Variants in HPSE2 observed in about 807,000 individuals in gnomAD.
HPSE2 encodes the protein heparanase 2 (inactive), also known as inactive heparanase-2.
In HPSE2, 38 loss-of-function variants were observed where a neutral mutation model predicts 60.5. That is an observed-to-expected ratio of 0.63 (90% CI 0.48 to 0.82). HPSE2 has a LOEUF of 0.82. HPSE2 is among the 40% of genes least tolerant of loss of function. The pLI is 0.00. For missense variants in HPSE2, 713 were observed against 740.4 expected (o/e 0.96, Z 0.43); for synonymous variants, 295 against 293.2 (o/e 1.01, Z -0.06).
At chr10:98,523,109 TTTTGTTTG>T (rs148284297) in intron 9 of HPSE2, among the ~76,000 whole-genome samples, 54 of 151,684 alleles carry the variant, frequency 3.6e-4, no homozygotes, top group African/African-American at 1.1e-3. Context: ...TTTTGTTTTG[TTTTGTTTG>T]TTTGTTTGTT....
rs773122469 is a variant in HPSE2, at chr10:98,934,463, C to T, written c.611-190407G>A. Among the ~76,000 whole-genome samples the T allele has an allele frequency of 1.5e-4, 22 of 144,472 alleles. 1 individual carries two copies. The highest frequency in any genetic ancestry group is 2.4e-4 in the Non-Finnish European group (16 of 67,294). 94.8% of individuals were successfully genotyped at this position (144,472 alleles called of 152,430 possible). On this transcript the variant is annotated intron_variant, in intron 3 of 11. Transcript: ENST00000370552. ...GCTTCTTTCAGGAGCTCTTGCCAGG[C>T]AGGCCTGGTGGTGACAAAAATCCTT...
At chr10:99,307,176 T>C in the HPSE2 span, among the ~76,000 whole-genome samples, 9 of 152,334 alleles carry the variant, frequency 5.9e-5, no homozygotes, top group African/African-American at 2.2e-4. Flanking sequence ...GACTCCTGTT[T>C]GAAATTTAAC....
chr10:98,565,622 C>T (rs1035144601), intron 9 of HPSE2, among the ~76,000 whole-genome samples: 5 of 152,092 alleles, frequency 3.3e-5, no homozygotes, highest in South Asian at 2.1e-4. Context: ...TTGTAACTAA[C>T]GCTGCAGTAA....
intron 5 of HPSE2, among the ~76,000 whole-genome samples, chr10:98,720,145 G>T (rs1190009514): frequency 6.6e-6 from 1 of 152,020 alleles, no homozygotes; most frequent in African/African-American, 2.4e-5. Context: ...AAAATGAAAA[G>T]AAAATGGGAT....
intron 3 of HPSE2, among the ~76,000 whole-genome samples, chr10:98,891,045 C>T (rs2134933156): frequency 6.6e-6 from 1 of 152,222 alleles, no homozygotes; most frequent in Middle Eastern, 3.4e-3. Flanking sequence ...TTATGAATAT[C>T]AGAACAATCT....
intron 2 of HPSE2, among the ~76,000 whole-genome samples, chr10:99,180,993 AT>A (rs1217072308): frequency 6.6e-6 from 1 of 151,752 alleles, no homozygotes; most frequent in Non-Finnish European, 1.5e-5. Flanking sequence ...TAGTTCAACC[AT>A]TGTGGAAGAC....
At chr10:99,107,483 C>T (rs1171200823) in intron 3 of HPSE2, among the ~76,000 whole-genome samples, 5 of 152,090 alleles carry the variant, frequency 3.3e-5, no homozygotes, top group African/African-American at 9.7e-5. Flanking sequence ...CAAACCATGC[C>T]GTCTTCTACC....
At chr10:99,028,745 A>G (rs1472569070) in intron 3 of HPSE2, among the ~76,000 whole-genome samples, 1 of 152,146 alleles carries the variant, frequency 6.6e-6, no homozygotes, top group Non-Finnish European at 1.5e-5. Context: ...TACTACAGTG[A>G]TACAGTAACC....
At chr10:98,521,449 AG>A (rs1398201402) in intron 9 of HPSE2, among the ~76,000 whole-genome samples, 7 of 152,234 alleles carry the variant, frequency 4.6e-5, no homozygotes, top group Non-Finnish European at 8.8e-5. Context: ...ATCTCATGCC[AG>A]TTAGAATGGC....
intron 3 of HPSE2, among the ~76,000 whole-genome samples, chr10:98,874,786 T>C (rs1217249649): frequency 6.6e-6 from 1 of 152,076 alleles, no homozygotes; most frequent in Non-Finnish European, 1.5e-5. Context: ...GTATGTTCCA[T>C]CAATATCAGT....
intron 3 of HPSE2, among the ~76,000 whole-genome samples, chr10:99,067,041 C>T (rs1842639839): frequency 6.6e-6 from 1 of 152,176 alleles, no homozygotes; most frequent in Admixed American, 6.5e-5. Context: ...GAGCTATAGA[C>T]CCTATGCAAA....
intron 9 of HPSE2, among the ~76,000 whole-genome samples, chr10:98,597,462 C>T (rs1329906162): frequency 2.0e-5 from 3 of 149,918 alleles, no homozygotes; most frequent in Non-Finnish European, 4.4e-5. Context: ...CTCAGGAGTT[C>T]GAGACCAGCC....
At chr10:99,081,092 C>T (rs1469361594) in intron 3 of HPSE2, among the ~76,000 whole-genome samples, 1 of 152,208 alleles carries the variant, frequency 6.6e-6, no homozygotes, top group Non-Finnish European at 1.5e-5. Flanking sequence ...CCACACCCGG[C>T]CTCAGGCCTT....
At chr10:99,224,881 A>C (rs1240819026) in intron 2 of HPSE2, among the ~76,000 whole-genome samples, 1 of 152,098 alleles carries the variant, frequency 6.6e-6, no homozygotes, top group Non-Finnish European at 1.5e-5. Context: ...CGCTGAAATT[A>C]ATTAAGCCAC....
chr10:98,959,731 T>C (rs1227548231), intron 3 of HPSE2, among the ~76,000 whole-genome samples: 1 of 152,018 alleles, frequency 6.6e-6, no homozygotes, highest in Non-Finnish European at 1.5e-5. Flanking sequence ...CATGGTCAGA[T>C]TGGGGGTGGA....
At chr10:99,054,704 GT>G (rs1273300745) in intron 3 of HPSE2, among the ~76,000 whole-genome samples, 6 of 152,118 alleles carry the variant, frequency 3.9e-5, no homozygotes, top group African/African-American at 1.4e-4. Flanking sequence ...AATATTTATT[GT>G]TTTTTGTTTG....
chr10:99,069,070 TC>T (rs1292883592), intron 3 of HPSE2, among the ~76,000 whole-genome samples: 1 of 152,194 alleles, frequency 6.6e-6, no homozygotes, highest in Admixed American at 6.5e-5. Flanking sequence ...CACAAACTCT[TC>T]CAGTAACTGA....
At chr10:99,272,659 CAT>C in the HPSE2 span, among the ~76,000 whole-genome samples, 24,826 of 151,830 alleles carry the variant, frequency 0.16, 3,029 homozygotes, top group African/African-American at 0.34. Flanking sequence ...GTTCAACAAA[CAT>C]ATGAAAAATT....
intron 3 of HPSE2, among the ~76,000 whole-genome samples, chr10:98,755,242 G>A (rs1949851582): frequency 6.6e-6 from 1 of 152,060 alleles, no homozygotes; most frequent in African/African-American, 2.4e-5. Flanking sequence ...AGACAAAATG[G>A]ACTCTAAACC....
Sources: gnomAD v4.1 joint callset for allele counts (sites outside exome capture counted in the v4.1 genomes callset) on GRCh38, gnomAD v4.1.1 for gene constraint, MANE v1.5 for transcripts, NCBI Gene and HGNC (gene_info 2026-07-23, HGNC 2026-07-21) for gene names.